The following ROBO2 variants were observed in gnomAD, a reference collection of about 807,000 sequenced individuals.
ROBO2 encodes roundabout guidance receptor 2.
ROBO2 carries 53 observed loss-of-function variants against 160.8 expected under a neutral mutation model. The observed-to-expected ratio is 0.33, with a 90% CI of 0.26 to 0.41. The LOEUF is 0.41. ROBO2 is among the 10% of genes least tolerant of loss of function. ROBO2 has a pLI of 1.00. For missense variants in ROBO2, 1,577 were observed against 1,722.4 expected, an observed-to-expected ratio of 0.92 and a Z score of 1.49; for synonymous variants, 664 against 611.7, an observed-to-expected ratio of 1.09 and a Z score of -1.26.
At chr3:76,295,342 T>C (rs1709013268) in intron 2 of ROBO2, among the ~76,000 whole-genome samples, 1 of 152,096 alleles carries the variant, frequency 6.6e-6, no homozygotes, top group African/African-American at 2.4e-5. Context: ...ACTATGCCCA[T>C]AGAGAGTCAC....
chr3:76,757,079 A>C (rs2061017426), intron 2 of ROBO2, among the ~76,000 whole-genome samples: 1 of 151,768 alleles, frequency 6.6e-6, no homozygotes, highest in African/African-American at 2.4e-5. Context: ...TTTGCAATCT[A>C]TTTAAGGTAT....
At chr3:77,340,956 A>G (rs1222174444) in intron 2 of ROBO2, among the ~76,000 whole-genome samples, 1 of 152,162 alleles carries the variant, frequency 6.6e-6, no homozygotes, top group Admixed American at 6.6e-5. Context: ...CTATGGGCCA[A>G]ATCTGACCAA....
At chr3:76,007,173 G>A (rs935916682) in intron 2 of ROBO2, among the ~76,000 whole-genome samples, 2 of 151,914 alleles carry the variant, frequency 1.3e-5, no homozygotes, top group African/African-American at 2.4e-5. Flanking sequence ...GTTATATATT[G>A]CTATAAGTTG....
chr3:76,048,924 C>T (rs1444043635), intron 2 of ROBO2, among the ~76,000 whole-genome samples: 1 of 152,114 alleles, frequency 6.6e-6, no homozygotes, highest in Admixed American at 6.5e-5. Flanking sequence ...AATAGCACAC[C>T]ACAGAAAGTT....
intron 2 of ROBO2, among the ~76,000 whole-genome samples, chr3:76,510,876 G>A (rs2081052656): frequency 6.6e-6 from 1 of 152,158 alleles, no homozygotes; most frequent in South Asian, 2.1e-4. Flanking sequence ...ATGATATGCT[G>A]ATTATGAAGC....
intron 17 of ROBO2, among the ~76,000 whole-genome samples, chr3:77,591,607 A>G (rs1467860010): frequency 6.6e-6 from 1 of 152,226 alleles, no homozygotes; most frequent in African/African-American, 2.4e-5. Context: ...TGGAAACCTT[A>G]GCCCTATTCA....
chr3:76,439,764 C>T (rs1282335074), intron 2 of ROBO2, among the ~76,000 whole-genome samples: 1 of 152,094 alleles, frequency 6.6e-6, no homozygotes, highest in Non-Finnish European at 1.5e-5. Context: ...CCTGTCAATG[C>T]ATGATGAAAG....
At chr3:76,353,303 A>G (rs886100272) in intron 2 of ROBO2, among the ~76,000 whole-genome samples, 3 of 151,974 alleles carry the variant, frequency 2.0e-5, no homozygotes, top group Non-Finnish European at 4.4e-5. Context: ...GTGTAGGCAT[A>G]AGAACAGTAT....
At chr3:76,085,554 TAAC>T (rs918681438) in intron 2 of ROBO2, among the ~76,000 whole-genome samples, 2 of 152,160 alleles carry the variant, frequency 1.3e-5, no homozygotes, top group African/African-American at 4.8e-5. Flanking sequence ...CACTTCATTC[TAAC>T]AACAAGTTAA....
intron 1 of ROBO2, among the ~76,000 whole-genome samples, chr3:77,093,670 C>G (rs2070645266): frequency 1.3e-5 from 2 of 152,144 alleles, no homozygotes; most frequent in Admixed American, 1.3e-4. Flanking sequence ...TAAGAAAGCT[C>G]AGAATTAATC....
intron 2 of ROBO2, among the ~76,000 whole-genome samples, chr3:76,891,993 G>A (rs1436244902): frequency 6.6e-6 from 1 of 152,120 alleles, no homozygotes; most frequent in Non-Finnish European, 1.5e-5. Context: ...AGTGGTGAAA[G>A]CCTCTGTGTA....
intron 2 of ROBO2, among the ~76,000 whole-genome samples, chr3:76,221,121 A>G (rs764598593): frequency 1.1e-4 from 17 of 152,362 alleles, no homozygotes; most frequent in East Asian, 5.8e-4. Flanking sequence ...GTCTGAATCA[A>G]TAACCCCAGG....
At chr3:76,080,036 A>C (rs1240408654) in intron 2 of ROBO2, among the ~76,000 whole-genome samples, 1 of 152,174 alleles carries the variant, frequency 6.6e-6, no homozygotes, top group Non-Finnish European at 1.5e-5. Flanking sequence ...ACAATATTTA[A>C]ATGCTTTTCC....
At position 76,576,658 on chromosome 3, in the gene ROBO2, T is replaced by C. The variant is rs2085307592; in HGVS notation, c.110-521356T>C. On this transcript the variant is annotated intron_variant, in intron 2 of 26. Coordinates refer to the ROBO2 transcript ENST00000487694. ...AAAAGTATTCATAACACTTTACCCTTTGTGTTTTGTTTATTATTTTTACAG... is the reference window on the plus strand; with the variant it reads ...AAAAGTATTCATAACACTTTACCCTCTGTGTTTTGTTTATTATTTTTACAG... Among the ~76,000 whole-genome samples the C allele has an allele frequency of 2.0e-5, 3 of 150,860 alleles. No homozygotes were observed. The South Asian group carries it at 6.2e-4, about 31-fold the overall frequency.
intron 2 of ROBO2, among the ~76,000 whole-genome samples, chr3:76,908,110 G>A (rs991940914): frequency 1.3e-5 from 2 of 151,972 alleles, no homozygotes; most frequent in Non-Finnish European, 2.9e-5. Context: ...AAAGTGCTAG[G>A]ATTACAGGCG....
intron 2 of ROBO2, among the ~76,000 whole-genome samples, chr3:77,001,289 C>T (rs564619888): frequency 5.1e-4 from 77 of 152,198 alleles, no homozygotes; most frequent in Admixed American, 2.3e-3. Context: ...GTTTTGGCTG[C>T]AAAACCATCA....
intron 2 of ROBO2, among the ~76,000 whole-genome samples, chr3:76,236,364 A>G (rs1030607643): frequency 6.6e-6 from 1 of 152,136 alleles, no homozygotes; most frequent in African/African-American, 2.4e-5. Context: ...ATAGTATAAC[A>G]TCCCATTCCT....
intron 2 of ROBO2, among the ~76,000 whole-genome samples, chr3:77,466,222 T>C (rs554930948): frequency 6.6e-6 from 1 of 152,294 alleles, no homozygotes; most frequent in East Asian, 1.9e-4. Flanking sequence ...TCTTGAAGAA[T>C]ATAGGATGTC....
rs561708397 is a variant in ROBO2, at chr3:76,235,278, C to T, written c.109+297676C>T. On this transcript the variant is annotated intron_variant, in intron 2 of 26. Coordinates refer to the ROBO2 transcript ENST00000487694. ...ACCTCCCCTCTCTCCCCATGAGCAC[C>T]GCCCCACCGCCCAACACACACAGGG... 6.6e-4 allele frequency among the ~76,000 whole-genome samples: 101 copies of T among 152,090 alleles called. 1 individual carries two copies. In the South Asian group the frequency reaches 0.018, roughly 27 times the overall value.
Sources: gnomAD v4.1 joint callset for allele counts (sites outside exome capture counted in the v4.1 genomes callset) on GRCh38, gnomAD v4.1.1 for gene constraint, MANE v1.5 for transcripts, NCBI Gene and HGNC (gene_info 2026-07-23, HGNC 2026-07-21) for gene names.